The following MRTO4 variants were observed in gnomAD, a reference collection of about 807,000 sequenced individuals.
MRTO4 encodes mRNA turnover protein 4 homolog.
A neutral mutation model predicts 28.6 loss-of-function variants in MRTO4; 7 were observed. The observed-to-expected ratio is 0.24, with a 90% CI of 0.14 to 0.46. The LOEUF (loss-of-function observed/expected upper bound fraction) is 0.46. Among genes scored for constraint, MRTO4 ranks in the 20% least tolerant of loss-of-function variants. The pLI, the probability that MRTO4 is intolerant of heterozygous loss-of-function variation, is 0.99. For missense variants in MRTO4, 302 were observed against 298.3 expected, an observed-to-expected ratio of 1.01 and a Z score of -0.09; for synonymous variants, 113 against 108.2, an observed-to-expected ratio of 1.04 and a Z score of -0.27.
rs1412718266 is a variant in MRTO4 at position 19,259,112 on chromosome 1, A to G, written c.*282A>G. 1 of 262,340 alleles carries G rather than the reference A, an allele frequency of 3.8e-6. No homozygotes were observed. The highest frequency in any genetic ancestry group is 7.3e-6 in the Non-Finnish European group (1 of 136,668). 16.3% of individuals were successfully genotyped at this position (262,340 alleles called of 1,614,324 possible). ...CCCGTCTCTACTAAAAATAGAAAAA[A>G]AAACTAGTTGGGCATAGTGGCATGT... On this transcript the variant is annotated 3_prime_UTR_variant, in exon 8 of 8. Transcript: ENST00000330263.
At chr1:19,255,560 G>C (rs940156812) in intron 2 of MRTO4, among the ~76,000 whole-genome samples, 5 of 152,194 alleles carry the variant, frequency 3.3e-5, no homozygotes, top group Non-Finnish European at 2.9e-5. Context: ...CCTCATGGTG[G>C]CTTTGGCCAG....
At chr1:19,254,960 A>T in intron 2 of MRTO4, 120 bp downstream of exon 2, 1 of 813,270 alleles carries the variant, frequency 1.2e-6, no homozygotes. Flanking sequence ...AAAAAAAAAA[A>T]TCTCCAAGCT....
intron 4 of MRTO4, 67 bp from the exon 5 acceptor site, chr1:19,257,387 C>T: frequency 2.5e-6 from 4 of 1,576,862 alleles, no homozygotes; most frequent in Non-Finnish European, 3.5e-6. Context: ...ACCCGGTGAG[C>T]AAAAACGTGC....
At position 19,257,471 on chromosome 1, in the gene MRTO4, G is replaced by C; in HGVS notation, c.291G>C (p.Arg97Ser). 6.2e-7 allele frequency: 1 copy of C among 1,614,248 alleles called. No homozygotes were observed. Among genetic ancestry groups the C allele is most frequent in the Non-Finnish European group, 8.5e-7 (1 of 1,180,046 alleles). The change falls in exon 5 of 8, where the codon AGG becomes AGC. Residue 97 changes from arginine (R) to serine (S), a missense_variant. Transcript: ENST00000330263. Reference protein sequence around the residue: ...DNLHQVSKRLRGEVGLLFTNR... With the variant: ...DNLHQVSKRLSGEVGLLFTNR... The stretch of plus-strand genomic sequence containing the variant: ...ATTTGTAGGTCAGCAAAAGGTTGAG[G>C]GGTGAGGTGGGTCTCCTGTTCACCA...
Position 19,257,119 on chromosome 1 carries a change from G to A in MRTO4, c.247G>A (p.Asp83Asn). ...MMVALGRSPS[D>N]EYKDNLHQVS... is the part of the protein sequence containing the mutation. ...GGTGGCCTTGGGTCGGAGCCCATCT[G>A]ATGAATACAAAGACAACCTGCACCA... Residue 83 changes from aspartate (D) to asparagine (N), a missense_variant, in exon 4 of 8, where the codon GAT becomes AAT. Asp to Asn is a conservative substitution (Grantham distance 23, BLOSUM62 1). Transcript: ENST00000330263. 1 of 1,614,188 alleles carries A rather than the reference G, an allele frequency of 6.2e-7. No individual in the cohort carries two copies. The highest frequency in any genetic ancestry group is 8.5e-7 in the Non-Finnish European group (1 of 1,180,028).
intron 4 of MRTO4, 49 bp downstream of exon 4, chr1:19,257,194 C>A (rs1440646556): frequency 6.4e-6 from 10 of 1,556,646 alleles, no homozygotes; most frequent in Non-Finnish European, 8.8e-6. Context: ...GCCGCCCTCT[C>A]TCCCACTACT....
chr1:19,252,919 C>A (rs1186819672), intron 1 of MRTO4, among the ~76,000 whole-genome samples: 2 of 152,140 alleles, frequency 1.3e-5, no homozygotes, highest in Non-Finnish European at 2.9e-5. Flanking sequence ...GGATTACAGG[C>A]GTGAGCCACT....
At chr1:19,257,336 T>C in intron 4 of MRTO4, 118 bp from the exon 5 acceptor site, 2 of 1,307,350 alleles carry the variant, frequency 1.5e-6, no homozygotes, top group Non-Finnish European at 2.2e-6. Context: ...CACTCCTTCC[T>C]GCTATGACAA....
intron 3 of MRTO4, 90 bp downstream of exon 3, chr1:19,256,141 AGGTGCCTG>A: frequency 1.8e-6 from 2 of 1,129,332 alleles, no homozygotes; most frequent in Non-Finnish European, 2.6e-6. Flanking sequence ...CTGACCCTTT[AGGTGCCTG>A]GGTCATGCCG....
chr1:19,257,206 C>A, intron 4 of MRTO4, 61 bp downstream of exon 4: 1 of 1,537,102 alleles, frequency 6.5e-7, no homozygotes, highest in Non-Finnish European at 9.0e-7. Context: ...CCCACTACTC[C>A]CATGTGACAG....
Position 19,259,409 on chromosome 1 carries a change from G to A in MRTO4, c.*579G>A, listed in dbSNP as rs9426684. On this transcript the variant is annotated 3_prime_UTR_variant, in exon 8 of 8. Transcript: ENST00000330263. ...AGCCTGGGCAATTCAGCAAGATCCC[G>A]TCTCTACAAAAAATAAAAAAAAATT... 39,459 of 152,018 alleles carry A rather than the reference G, an allele frequency of 0.26. 5,824 individuals are homozygous for A. Among genetic ancestry groups the A allele is most frequent in the African/African-American group, 0.39 (16,266 of 41,432 alleles). The allele number at this position is 152,018 out of a possible 1,614,324, so 9.4% of individuals were successfully genotyped here.
intron 1 of MRTO4, 127 bp downstream of exon 1, chr1:19,251,990 C>T (rs1482521661): frequency 1.3e-5 from 18 of 1,337,060 alleles, no homozygotes; most frequent in South Asian, 7.0e-5. Context: ...TGTTCCGCTG[C>T]CTCGCTGCGA....
intron 3 of MRTO4, among the ~76,000 whole-genome samples, chr1:19,256,672 T>G (rs150581753): frequency 1.8e-3 from 272 of 152,296 alleles, no homozygotes; most frequent in Middle Eastern, 6.8e-3. Context: ...GTAGGGACAC[T>G]GCGACACAGA....
chr1:19,257,765 G>A, intron 5 of MRTO4, 68 bp from the exon 6 acceptor site: 13 of 1,579,318 alleles, frequency 8.2e-6, no homozygotes, highest in Non-Finnish European at 1.1e-5. Context: ...GACACTTGGG[G>A]GAGCCTGACT....
intron 2 of MRTO4, 25 bp downstream of exon 2, chr1:19,254,865 C>T (rs771271836): frequency 1.3e-6 from 2 of 1,585,700 alleles, no homozygotes; most frequent in East Asian, 2.2e-5. Flanking sequence ...TTTTCTAGAG[C>T]TTGCAATTGT....
At chr1:19,257,641 C>T in intron 5 of MRTO4, 120 bp downstream of exon 5, 9 of 1,402,124 alleles carry the variant, frequency 6.4e-6, no homozygotes, top group Non-Finnish European at 9.0e-6. Flanking sequence ...GGAAGCCTGT[C>T]ACTGAGCTAG....
At position 19,258,477 on chromosome 1, in the gene MRTO4, G is replaced by C; in HGVS notation, c.494G>C (p.Gly165Ala). The change falls in exon 7 of 8, where the codon GGT (glycine) becomes GCT (alanine). Residue 165 changes from glycine to alanine, a missense_variant and splice_region_variant. Transcript: ENST00000330263. ...QLGLPTALKRGVVTLLSDYEV... is the reference protein window; with the variant it reads ...QLGLPTALKRAVVTLLSDYEV... ...AACTGAGAGCCACCCTCTTCTGCAG[G>C]TGTGGTGACTCTGCTGTCTGACTAC... 1 of 1,613,850 alleles carries C rather than the reference G, an allele frequency of 6.2e-7. No homozygotes were observed. The highest frequency in any genetic ancestry group is 8.5e-7 in the Non-Finnish European group (1 of 1,180,036).
In MRTO4 at chr1:19,258,746, G is replaced by A. The variant is rs762215567; in HGVS notation, c.636G>A (p.Ser212=). The A allele has an allele frequency of 2.5e-5, 40 of 1,614,026 alleles. No homozygotes were observed. The highest frequency in any genetic ancestry group is 3.3e-5 in the South Asian group (3 of 91,090). ...TCAAATACATGTGGGATTCACAGTCGGGAAGGTTCCAGCAGATGGGAGACG... is the reference window on the plus strand; with the variant it reads ...TCAAATACATGTGGGATTCACAGTCAGGAAGGTTCCAGCAGATGGGAGACG... ...VTIKYMWDSQ[S]GRFQQMGDDL... is the part of the protein sequence containing the mutation. The change falls in exon 8 of 8, where the codon TCG becomes TCA. Residue 212 remains serine, a synonymous_variant. Coordinates refer to ENST00000330263, the MANE Select transcript of MRTO4 (RefSeq NM_016183.4).
intron 3 of MRTO4, 138 bp from the exon 4 acceptor site, chr1:19,256,926 A>G (rs1287771052): frequency 1.3e-6 from 1 of 762,742 alleles, no homozygotes; most frequent in Non-Finnish European, 2.2e-6. Flanking sequence ...CAGTGTGGCC[A>G]GGCAGCATGG....
Sources: gnomAD v4.1 joint callset for allele counts (sites outside exome capture counted in the v4.1 genomes callset) on GRCh38, gnomAD v4.1.1 for gene constraint, MANE v1.5 for transcripts, NCBI Gene and HGNC (gene_info 2026-07-23, HGNC 2026-07-21) for gene names.